DOK6: variants seen among roughly 807,000 people sequenced by gnomAD.
DOK6 encodes downstream of tyrosine kinase 6.
A neutral mutation model predicts 44.0 loss-of-function variants in DOK6; 22 were observed. The ratio of observed to expected loss-of-function variants is 0.50; its 90% CI spans 0.36 to 0.71. The LOEUF is 0.71. Ranked by LOEUF, DOK6 falls within the 30% of genes least tolerant of loss-of-function variation. The pLI, the probability that DOK6 is intolerant of heterozygous loss-of-function variation, is 0.00. For synonymous variants in DOK6, 166 were observed against 145.5 expected (o/e 1.14, Z -1.01); for missense variants, 340 against 416.4 (o/e 0.82, Z 1.60).
intron 1 of DOK6, among the ~76,000 whole-genome samples, chr18:69,553,104 T>G (rs1030187201): frequency 1.3e-5 from 2 of 152,224 alleles, no homozygotes; most frequent in African/African-American, 4.8e-5. Context: ...AAAATATCAA[T>G]TTCTTCATCT....
chr18:69,417,425 C>T (rs12607423), intron 1 of DOK6, among the ~76,000 whole-genome samples: 42,374 of 151,938 alleles, frequency 0.28, 6,211 homozygotes, highest in African/African-American at 0.36. Flanking sequence ...AAGAACATTG[C>T]GTTGTGTATA....
intron 4 of DOK6, among the ~76,000 whole-genome samples, chr18:69,694,801 T>G (rs1222807775): frequency 6.6e-6 from 1 of 152,248 alleles, no homozygotes; most frequent in East Asian, 1.9e-4. Flanking sequence ...TACTTTTGGG[T>G]ATTTGGGAAT....
intron 2 of DOK6, among the ~76,000 whole-genome samples, chr18:69,578,068 A>AAAATAAAT (rs138140938): frequency 6.6e-6 from 1 of 151,900 alleles, no homozygotes; most frequent in African/African-American, 2.4e-5. Context: ...AACGTAAAGT[A>AAAATAAAT]AAATAAATAA....
intron 1 of DOK6, among the ~76,000 whole-genome samples, chr18:69,522,777 T>C (rs943653824): frequency 6.6e-6 from 1 of 152,120 alleles, no homozygotes; most frequent in Non-Finnish European, 1.5e-5. Flanking sequence ...TTGTGGGACA[T>C]TGATTACTGT....
At chr18:69,773,331 A>G (rs567844210) in intron 7 of DOK6, among the ~76,000 whole-genome samples, 1 of 152,054 alleles carries the variant, frequency 6.6e-6, no homozygotes, top group African/African-American at 2.4e-5. Flanking sequence ...CCACAGCTCC[A>G]CCTACGGGTA....
At chr18:69,612,720 A>G (rs1214488131) in intron 3 of DOK6, among the ~76,000 whole-genome samples, 3 of 152,226 alleles carry the variant, frequency 2.0e-5, no homozygotes, top group Non-Finnish European at 4.4e-5. Flanking sequence ...GGACATGCAC[A>G]TATTGGCTTG....
At chr18:69,487,873 A>G (rs1456654400) in intron 1 of DOK6, among the ~76,000 whole-genome samples, 1 of 152,086 alleles carries the variant, frequency 6.6e-6, no homozygotes, top group Non-Finnish European at 1.5e-5. Flanking sequence ...GCTTTCACAA[A>G]AACTCTTTCT....
chr18:69,726,638 CAT>C (rs764178372), intron 5 of DOK6, among the ~76,000 whole-genome samples: 10 of 151,980 alleles, frequency 6.6e-5, no homozygotes, highest in African/African-American at 4.8e-5. Context: ...AACACACACA[CAT>C]ATATGTACAT....
At chr18:69,748,073 A>G (rs1323306259) in intron 6 of DOK6, among the ~76,000 whole-genome samples, 1 of 152,190 alleles carries the variant, frequency 6.6e-6, no homozygotes, top group Non-Finnish European at 1.5e-5. Flanking sequence ...AATTGAAAAC[A>G]AAAAAGCAGG....
chr18:69,487,192 T>G (rs1980603822), intron 1 of DOK6, among the ~76,000 whole-genome samples: 1 of 132,416 alleles, frequency 7.6e-6, no homozygotes, highest in African/African-American at 2.6e-5. Context: ...TGTGTGTGTG[T>G]GTGTGTGTGT....
chr18:69,841,172 A>G, intron 7 of DOK6, 72 bp from the exon 8 acceptor site: 1 of 1,567,106 alleles, frequency 6.4e-7, no homozygotes, highest in Non-Finnish European at 8.7e-7. Flanking sequence ...GATAATAGAT[A>G]GATGATAGAT....
At chr18:69,579,754 G>T (rs1399026574) in intron 2 of DOK6, among the ~76,000 whole-genome samples, 2 of 151,910 alleles carry the variant, frequency 1.3e-5, no homozygotes, top group South Asian at 2.1e-4. Context: ...TTGTTTGTTT[G>T]TTTGTTTTAG....
chr18:69,792,312 C>T (rs1472321589), intron 7 of DOK6, among the ~76,000 whole-genome samples: 1 of 152,026 alleles, frequency 6.6e-6, no homozygotes, highest in African/African-American at 2.4e-5. Context: ...AGGAATTGCA[C>T]TGAATCTATA....
intron 1 of DOK6, among the ~76,000 whole-genome samples, chr18:69,452,399 G>A (rs190810042): frequency 7.1e-6 from 1 of 140,676 alleles, no homozygotes; most frequent in Admixed American, 7.4e-5. Flanking sequence ...AATAACAGGA[G>A]CTGAAATTGT....
In DOK6 at chr18:69,492,254, TG is replaced by T. The variant is rs1397919795; in HGVS notation, c.67-72231del. Among the ~76,000 whole-genome samples the T allele has an allele frequency of 2.6e-5, 4 of 152,288 alleles. No homozygotes were observed. The South Asian group carries it at 8.3e-4, about 32-fold the overall frequency. ...TGTCACACAATTAATTTTAAATTTA[TG>T]GATATCATACACAATGTAAAATAAT... On this transcript the variant is annotated intron_variant, in intron 1 of 7. Transcript: ENST00000382713.
intron 7 of DOK6, among the ~76,000 whole-genome samples, chr18:69,827,337 C>A (rs1568137986): frequency 6.6e-6 from 1 of 151,796 alleles, no homozygotes; most frequent in Non-Finnish European, 1.5e-5. Flanking sequence ...AGTTTTAAAG[C>A]CATGACCATT....
At chr18:69,583,773 A>T (rs1983423942) in intron 2 of DOK6, among the ~76,000 whole-genome samples, 1 of 137,232 alleles carries the variant, frequency 7.3e-6, no homozygotes, top group Non-Finnish European at 1.6e-5. Context: ...AAAAAAAAAA[A>T]GCGTTATCTT....
At chr18:69,517,219 T>C (rs1193510366) in intron 1 of DOK6, among the ~76,000 whole-genome samples, 1 of 152,186 alleles carries the variant, frequency 6.6e-6, no homozygotes, top group Non-Finnish European at 1.5e-5. Flanking sequence ...AGTGGTCTTA[T>C]TAAGCTTCAG....
At chr18:69,498,048 G>A (rs1038992990) in intron 1 of DOK6, among the ~76,000 whole-genome samples, 1 of 151,410 alleles carries the variant, frequency 6.6e-6, no homozygotes, top group Admixed American at 6.6e-5. Context: ...CTCTCTCCAC[G>A]CACACACAAA....
Sources: gnomAD v4.1 joint callset for allele counts (sites outside exome capture counted in the v4.1 genomes callset) on GRCh38, gnomAD v4.1.1 for gene constraint, MANE v1.5 for transcripts, NCBI Gene and HGNC (gene_info 2026-07-23, HGNC 2026-07-21) for gene names.